The following ERBB4 variants were observed in gnomAD, a reference collection of about 807,000 sequenced individuals.
The protein encoded by ERBB4 is receptor tyrosine-protein kinase erbB-4.
In ERBB4, 42 loss-of-function variants were observed where a neutral mutation model predicts 158.0. That is an observed-to-expected ratio of 0.27 (90% confidence interval 0.21 to 0.34). ERBB4 has a LOEUF of 0.34. Among genes scored for constraint, ERBB4 ranks in the 10% least tolerant of loss-of-function variants. ERBB4 has a pLI of 1.00. For synonymous variants in ERBB4, 583 were observed against 558.7 expected (o/e 1.04, Z -0.61); for missense variants, 1,333 against 1,624.1 (o/e 0.82, Z 3.08).
At chr2:211,389,724 G>T (rs575270092) in intron 25 of ERBB4, among the ~76,000 whole-genome samples, 1 of 152,092 alleles carries the variant, frequency 6.6e-6, no homozygotes, top group Non-Finnish European at 1.5e-5. Context: ...TAAGTGGTGT[G>T]AATTTGGTGA....
chr2:212,028,500 T>G (rs1331538720), intron 2 of ERBB4, among the ~76,000 whole-genome samples: 1 of 152,110 alleles, frequency 6.6e-6, no homozygotes, highest in Non-Finnish European at 1.5e-5. Context: ...GAAATTGGAT[T>G]AAAAAGCTGT....
chr2:211,502,978 G>C (rs2065653629), intron 20 of ERBB4, among the ~76,000 whole-genome samples: 1 of 152,098 alleles, frequency 6.6e-6, no homozygotes, highest in South Asian at 2.1e-4. Flanking sequence ...GGCAATGGAG[G>C]ACACCGTGGT....
intron 14 of ERBB4, among the ~76,000 whole-genome samples, chr2:211,668,194 T>C (rs1034035985): frequency 6.6e-6 from 1 of 152,210 alleles, no homozygotes; most frequent in Non-Finnish European, 1.5e-5. Context: ...TATAATTTTA[T>C]GGTAACACCA....
intron 2 of ERBB4, among the ~76,000 whole-genome samples, chr2:212,089,408 G>T (rs1264396220): frequency 1.3e-5 from 2 of 152,070 alleles, no homozygotes; most frequent in Non-Finnish European, 2.9e-5. Flanking sequence ...GATATGATTT[G>T]GATTTGTGTC....
chr2:212,126,782 T>C (rs899819456), intron 1 of ERBB4, among the ~76,000 whole-genome samples: 1 of 152,162 alleles, frequency 6.6e-6, no homozygotes, highest in Non-Finnish European at 1.5e-5. Context: ...AAAGATGCTA[T>C]GATGCCTGAT....
chr2:211,384,147 G>C (rs2062635137), intron 27 of ERBB4, 87 bp from the exon 28 acceptor site: 2 of 947,390 alleles, frequency 2.1e-6, no homozygotes, highest in Admixed American at 4.3e-5. Flanking sequence ...TAGCTTCTTT[G>C]TCTAGAACAA....
chr2:211,825,765 TA>T (rs1424196935), intron 3 of ERBB4, among the ~76,000 whole-genome samples: 2 of 147,530 alleles, frequency 1.4e-5, no homozygotes, highest in Non-Finnish European at 3.0e-5. Context: ...TCATTATATA[TA>T]TATTATATAT....
chr2:211,414,500 T>A (rs1574443303), intron 25 of ERBB4, among the ~76,000 whole-genome samples: 11 of 102,100 alleles, frequency 1.1e-4, no homozygotes, highest in East Asian at 2.7e-4. Context: ...CAGTCTCAAT[T>A]AAAAAAAAAA....
At chr2:212,232,523 C>T (rs748821910) in intron 1 of ERBB4, among the ~76,000 whole-genome samples, 1 of 152,142 alleles carries the variant, frequency 6.6e-6, no homozygotes, top group African/African-American at 2.4e-5. Flanking sequence ...ATTTTCCTGC[C>T]TCTGCCTTCT....
intron 9 of ERBB4, among the ~76,000 whole-genome samples, chr2:211,707,457 G>T (rs1028485050): frequency 6.6e-6 from 1 of 152,182 alleles, no homozygotes; most frequent in Middle Eastern, 3.2e-3. Flanking sequence ...AGGAAAAAGA[G>T]AGAGAAACAT....
chr2:212,413,883 TAAAAC>T (rs994843313), intron 1 of ERBB4, among the ~76,000 whole-genome samples: 3 of 152,166 alleles, frequency 2.0e-5, no homozygotes, highest in African/African-American at 7.2e-5. Flanking sequence ...TTCAAAATGA[TAAAAC>T]AAGAGTACAG....
At chr2:211,848,101 T>A (rs939642503) in intron 3 of ERBB4, among the ~76,000 whole-genome samples, 1 of 152,100 alleles carries the variant, frequency 6.6e-6, no homozygotes, top group Non-Finnish European at 1.5e-5. Context: ...ATCCTCTATT[T>A]AATTTCCTAT....
intron 1 of ERBB4, among the ~76,000 whole-genome samples, chr2:212,162,713 G>A (rs2081237814): frequency 6.6e-6 from 1 of 151,886 alleles, no homozygotes; most frequent in Non-Finnish European, 1.5e-5. Context: ...ATAATGAGGA[G>A]AAATGTGATA....
intron 1 of ERBB4, among the ~76,000 whole-genome samples, chr2:212,376,896 A>G (rs917776493): frequency 2.0e-5 from 3 of 152,032 alleles, no homozygotes; most frequent in Non-Finnish European, 4.4e-5. Context: ...AATAAGAAGC[A>G]GGCAAACTAT....
At chr2:212,361,433 C>T (rs2089682543) in intron 1 of ERBB4, among the ~76,000 whole-genome samples, 1 of 151,488 alleles carries the variant, frequency 6.6e-6, no homozygotes, top group Admixed American at 6.6e-5. Flanking sequence ...GAAGGTTTTG[C>T]ATATAGGCTG....
rs534750926 is a variant in ERBB4, at chr2:212,367,659, A to C, written c.82+170790T>G. ...AGCAGAGAAAACAGACAACCCATAG[A>C]GTGGGAGAAAATCTTCATAATCTGT... is the stretch of plus-strand genomic sequence containing the variant. On this transcript the variant is annotated intron_variant, in intron 1 of 27. Coordinates refer to ENST00000342788, the MANE Select transcript of ERBB4 (RefSeq NM_005235.3). 8.5e-5 allele frequency among the ~76,000 whole-genome samples: 13 copies of C among 152,092 alleles called. 1 individual carries two copies. Among genetic ancestry groups the C allele is most frequent in the African/African-American group, 3.1e-4 (13 of 41,442 alleles).
At chr2:212,354,175 A>G (rs749621506) in intron 1 of ERBB4, among the ~76,000 whole-genome samples, 3 of 152,118 alleles carry the variant, frequency 2.0e-5, no homozygotes, top group Non-Finnish European at 4.4e-5. Context: ...GCACTTGATT[A>G]ATCAAAATTA....
chr2:211,457,627 T>A (rs2064415704), intron 20 of ERBB4, among the ~76,000 whole-genome samples: 1 of 152,174 alleles, frequency 6.6e-6, no homozygotes, highest in Admixed American at 6.5e-5. Flanking sequence ...CACAGGGAGA[T>A]GAGGGTCGTG....
chr2:212,378,840 G>C (rs755740941), intron 1 of ERBB4, among the ~76,000 whole-genome samples: 17 of 151,728 alleles, frequency 1.1e-4, no homozygotes, highest in Non-Finnish European at 1.9e-4. Flanking sequence ...GCAGTAGTAG[G>C]CATTGCCATT....
Sources: gnomAD v4.1 joint callset for allele counts (sites outside exome capture counted in the v4.1 genomes callset) on GRCh38, gnomAD v4.1.1 for gene constraint, MANE v1.5 for transcripts, NCBI Gene and HGNC (gene_info 2026-07-23, HGNC 2026-07-21) for gene names.